Variants in CSMD1 observed in about 807,000 individuals in gnomAD.
CSMD1 encodes the protein CUB and sushi domain-containing protein 1.
Under a neutral mutation model 417.5 loss-of-function variants are expected in CSMD1, and 213 were observed. The ratio of observed to expected loss-of-function variants is 0.51; its 90% CI spans 0.46 to 0.57. CSMD1 has a LOEUF of 0.57. Ranked by LOEUF, CSMD1 falls within the 20% of genes least tolerant of loss-of-function variation. CSMD1 has a pLI of 0.00. For missense variants in CSMD1, 6,923 were observed against 4,529.7 expected, an observed-to-expected ratio of 1.53 and a Z score of -15.17; for synonymous variants, 2,862 against 1,736.8, an observed-to-expected ratio of 1.65 and a Z score of -16.11.
intron 4 of CSMD1, among the ~76,000 whole-genome samples, chr8:4,023,650 G>A (rs1187748255): frequency 2.7e-5 from 4 of 148,380 alleles, no homozygotes; most frequent in African/African-American, 7.5e-5. Context: ...GCAGTGGCGC[G>A]ATCTCGGCTC....
At chr8:3,210,676 A>C (rs1797553533) in intron 30 of CSMD1, among the ~76,000 whole-genome samples, 1 of 149,126 alleles carries the variant, frequency 6.7e-6, no homozygotes, top group South Asian at 2.1e-4. Context: ...ATATATATAC[A>C]CACCTATATA....
chr8:3,505,196 G>C (rs193112566), intron 10 of CSMD1, among the ~76,000 whole-genome samples: 6 of 152,020 alleles, frequency 3.9e-5, no homozygotes, highest in African/African-American at 9.7e-5. Context: ...ATGAGAGACT[G>C]GGAATGTAAA....
At chr8:3,764,849 G>A (rs546399736) in intron 5 of CSMD1, among the ~76,000 whole-genome samples, 1 of 151,324 alleles carries the variant, frequency 6.6e-6, no homozygotes, top group South Asian at 2.1e-4. Context: ...TGGGTTCAAG[G>A]GATTCTCATG....
chr8:3,599,176 T>TGTGTGA (rs1554483068), intron 8 of CSMD1, among the ~76,000 whole-genome samples: 3 of 151,046 alleles, frequency 2.0e-5, no homozygotes, highest in African/African-American at 7.3e-5. Flanking sequence ...TGTGTGTGTG[T>TGTGTGA]GTGTGAGATG....
intron 30 of CSMD1, among the ~76,000 whole-genome samples, chr8:3,206,313 T>A (rs560630088): frequency 5.0e-4 from 66 of 132,458 alleles, no homozygotes; most frequent in African/African-American, 1.8e-3. Flanking sequence ...TGTGTGTATC[T>A]GTGTGTGTGG....
chr8:4,058,543 T>C lies in CSMD1; in HGVS notation c.416-26444A>G, dbSNP rs185315862. Among the ~76,000 whole-genome samples the C allele has an allele frequency of 2.0e-5, 3 of 152,038 alleles. No individual in the cohort carries two copies. The East Asian group carries it at 5.8e-4, about 30-fold the overall frequency. On this transcript the variant is annotated intron_variant, in intron 3 of 69. Transcript: ENST00000635120. ...CCCTTTATTTCCTTCTCCTGCCTAA[T>C]TGCCCTGGCCAGAACTTCCAACATA...
intron 37 of CSMD1, among the ~76,000 whole-genome samples, chr8:3,173,726 C>T (rs553582247): frequency 6.6e-6 from 1 of 152,252 alleles, no homozygotes; most frequent in African/African-American, 2.4e-5. Flanking sequence ...TGGAGTTCTG[C>T]TTTCTCTATT....
At chr8:4,227,322 A>G (rs933334682) in intron 3 of CSMD1, among the ~76,000 whole-genome samples, 36 of 151,776 alleles carry the variant, frequency 2.4e-4, no homozygotes, top group Admixed American at 2.4e-3. Flanking sequence ...CTCTCCCACC[A>G]CTCACCACCC....
intron 5 of CSMD1, among the ~76,000 whole-genome samples, chr8:3,954,629 T>C (rs1811814230): frequency 6.6e-6 from 1 of 152,240 alleles, no homozygotes; most frequent in Admixed American, 6.5e-5. Flanking sequence ...CCCAAAGTTT[T>C]GGGATTACAG....
intron 3 of CSMD1, among the ~76,000 whole-genome samples, chr8:4,160,951 T>G (rs1170179931): frequency 6.6e-6 from 1 of 152,204 alleles, no homozygotes; most frequent in Admixed American, 6.5e-5. Context: ...TCATCAGATG[T>G]ATTTATCAGT....
chr8:4,645,224 G>A (rs139066149), intron 1 of CSMD1, among the ~76,000 whole-genome samples: 4 of 151,942 alleles, frequency 2.6e-5, no homozygotes, highest in East Asian at 1.9e-4. Flanking sequence ...TCATCATTCC[G>A]GGCAAGACAA....
At chr8:4,725,185 G>C (rs1433962525) in intron 1 of CSMD1, among the ~76,000 whole-genome samples, 1 of 152,078 alleles carries the variant, frequency 6.6e-6, no homozygotes, top group Non-Finnish European at 1.5e-5. Context: ...ATAAAAGTCA[G>C]AGAATAAAGA....
intron 3 of CSMD1, among the ~76,000 whole-genome samples, chr8:4,176,034 T>A (rs1798020629): frequency 6.6e-6 from 1 of 152,068 alleles, no homozygotes; most frequent in African/African-American, 2.4e-5. Flanking sequence ...ATTTCAGGGT[T>A]CCCAAGAAGC....
intron 1 of CSMD1, among the ~76,000 whole-genome samples, chr8:4,720,882 G>C (rs975282821): frequency 1.1e-4 from 16 of 152,084 alleles, no homozygotes; most frequent in Non-Finnish European, 1.6e-4. Flanking sequence ...TGCCGTCTCT[G>C]GTACAAACAT....
intron 2 of CSMD1, among the ~76,000 whole-genome samples, chr8:4,467,532 C>G (rs73514628): frequency 6.6e-6 from 1 of 152,126 alleles, no homozygotes; most frequent in Non-Finnish European, 1.5e-5. Context: ...TTTTTCTTTA[C>G]TTAGCACATT....
intron 1 of CSMD1, among the ~76,000 whole-genome samples, chr8:4,978,897 C>T (rs901500460): frequency 7.9e-5 from 12 of 152,170 alleles, no homozygotes; most frequent in Admixed American, 6.5e-5. Context: ...GAGATTGTGC[C>T]ACTGCACTCC....
chr8:3,918,613 G>T (rs979139511), intron 5 of CSMD1, among the ~76,000 whole-genome samples: 1 of 152,076 alleles, frequency 6.6e-6, no homozygotes, highest in African/African-American at 2.4e-5. Flanking sequence ...GGTTTGCAAT[G>T]TGGAACCAGC....
chr8:4,498,071 T>A (rs1364950603), intron 2 of CSMD1, among the ~76,000 whole-genome samples: 1 of 152,196 alleles, frequency 6.6e-6, no homozygotes, highest in African/African-American at 2.4e-5. Flanking sequence ...TGAGATACCC[T>A]GCTTATACAT....
intron 3 of CSMD1, among the ~76,000 whole-genome samples, chr8:4,057,876 C>G (rs927027212): frequency 3.3e-5 from 5 of 152,118 alleles, no homozygotes; most frequent in African/African-American, 9.7e-5. Context: ...AGGCTGTGTT[C>G]TGTTCCATTG....
Sources: allele counts gnomAD v4.1 joint callset (sites outside exome capture counted in the v4.1 genomes callset), GRCh38; gene constraint gnomAD v4.1.1; transcripts MANE v1.5; gene names NCBI Gene and HGNC (gene_info 2026-07-23, HGNC 2026-07-21).